Variants in CHD7 observed in about 807,000 individuals in gnomAD.
The protein encoded by CHD7 is chromodomain helicase DNA binding protein 7.
CHD7 carries 24 observed loss-of-function variants against 307.3 expected under a neutral mutation model. The ratio of observed to expected loss-of-function variants is 0.08; its 90% CI spans 0.06 to 0.11. The LOEUF (loss-of-function observed/expected upper bound fraction) is 0.11. CHD7 is among the 10% of genes least tolerant of loss of function. The pLI is 1.00. For synonymous variants in CHD7, 1,363 were observed against 1,349.9 expected (o/e 1.01, Z -0.21); for missense variants, 3,106 against 3,727.1 (o/e 0.83, Z 4.34).
In CHD7 at chr8:60,852,075, A is replaced by C. The variant is rs1329534393; in HGVS notation, c.5722A>C (p.Thr1908Pro). The C allele has an allele frequency of 2.5e-6, 4 of 1,613,938 alleles. No individual in the cohort carries two copies. The Admixed American group carries it at 6.7e-5, about 27-fold the overall frequency. ...LGQLYWPNTS[T>P]LTTRLRRLIT... ...CCAACTTTACTGGCCTAACACTTCA[A>C]CCCTGACTACACGTCTGCGCCGGCT... The change falls in exon 29 of 38, where the codon ACC becomes CCC. Residue 1908 changes from threonine to proline, a missense_variant. Thr to Pro is a conservative substitution (Grantham distance 38). Around this residue, in one of 10 missense-constraint regions of CHD7, gnomAD observed 1,030 missense variants for 1,165.4 expected, o/e 0.88. Transcript: ENST00000423902.
chr8:60,715,972 A>G (rs1391885945), intron 1 of CHD7, among the ~76,000 whole-genome samples: 1 of 152,178 alleles, frequency 6.6e-6, no homozygotes, highest in Non-Finnish European at 1.5e-5. Context: ...TTGGTGTAAA[A>G]TGAGACAGCA....
chr8:60,821,080 A>G (rs1804009129), intron 9 of CHD7, among the ~76,000 whole-genome samples: 1 of 152,178 alleles, frequency 6.6e-6, no homozygotes, highest in African/African-American at 2.4e-5. Context: ...TTTTAATGTG[A>G]TTGGACACAA....
chr8:60,817,168 G>A (rs1803788555), intron 8 of CHD7, among the ~76,000 whole-genome samples: 1 of 152,168 alleles, frequency 6.6e-6, no homozygotes, highest in Non-Finnish European at 1.5e-5. Context: ...CTGGACTTAG[G>A]ATCGCCAATT....
Position 60,833,681 on chromosome 8 carries a change from C to G in CHD7, c.3779-2392C>G, listed in dbSNP as rs115678024. ...TGTTTCAAGTTGTCTTTGATATACA[C>G]ACTTTCCAGTGTAGTGCCAGCCATA... On this transcript the variant is annotated intron_variant, in intron 15 of 37. Transcript: ENST00000423902. Among the ~76,000 whole-genome samples the G allele has an allele frequency of 7.6e-3, 1,153 of 152,316 alleles. 17 individuals carry two copies. Among genetic ancestry groups the G allele is most frequent in the African/African-American group, 0.026 (1,073 of 41,564 alleles).
chr8:60,744,619 G>A (rs868622768), intron 2 of CHD7, among the ~76,000 whole-genome samples: 3 of 151,420 alleles, frequency 2.0e-5, no homozygotes, highest in Middle Eastern at 3.4e-3. Context: ...CTGGGAGGCC[G>A]AGGCAGGCAG....
chr8:60,822,002 G>A, intron 10 of CHD7, 22 bp from the exon 11 acceptor site: 2 of 1,613,474 alleles, frequency 1.2e-6, no homozygotes, highest in Non-Finnish European at 1.7e-6. Context: ...ACCACTAATG[G>A]GATTTACTAT....
chr8:60,717,320 T>C (rs1242901738), intron 1 of CHD7, among the ~76,000 whole-genome samples: 1 of 152,216 alleles, frequency 6.6e-6, no homozygotes, highest in Non-Finnish European at 1.5e-5. Flanking sequence ...AACACTTTGG[T>C]TATTAGACTT....
At position 60,845,382 on chromosome 8, in the gene CHD7, A is replaced by G. The variant is rs767264559; in HGVS notation, c.5183A>G (p.Lys1728Arg). The G allele has an allele frequency of 6.2e-7, 1 of 1,614,032 alleles. No homozygotes were observed. The highest frequency in any genetic ancestry group is 8.5e-7 in the Non-Finnish European group (1 of 1,179,880). The change falls in exon 23 of 38, where the codon AAG (lysine) becomes AGG (arginine). Residue 1728 changes from lysine (K) to arginine (R), a missense_variant. Physicochemically the swap from Lys to Arg is conservative, Grantham distance 26. This residue lies in a region of CHD7 where 1,030 missense variants were observed against 1,165.4 expected (regional missense o/e 0.88). Coordinates refer to ENST00000423902, the MANE Select transcript of CHD7 (RefSeq NM_017780.4). ...GCCCTGTTCCAGGAGGACAGCTACA[A>G]GAAACACCTGAAGCATCACTGTAAC... is the stretch of plus-strand genomic sequence containing the variant. ...PDALFQEDSYKKHLKHHCNKV... is the reference protein window; with the variant it reads ...PDALFQEDSYRKHLKHHCNKV...
At chr8:60,728,585 G>A (rs935596490) in intron 1 of CHD7, among the ~76,000 whole-genome samples, 2 of 152,172 alleles carry the variant, frequency 1.3e-5, no homozygotes, top group Admixed American at 1.3e-4. Flanking sequence ...GAGAGCAATG[G>A]CGCGATCTCG....
intron 2 of CHD7, among the ~76,000 whole-genome samples, chr8:60,760,994 A>G (rs1373127441): frequency 6.6e-6 from 1 of 152,188 alleles, no homozygotes; most frequent in Admixed American, 6.5e-5. Context: ...ATTACTGGAT[A>G]TATACCCAAA....
chr8:60,830,641 C>G (rs999360264), intron 15 of CHD7, 64 bp downstream of exon 15: 8 of 1,556,446 alleles, frequency 5.1e-6, no homozygotes, highest in Non-Finnish European at 7.0e-6. Context: ...TCCCTTTCTG[C>G]CCCCAGACTG....
In CHD7 at chr8:60,867,826, G is replaced by A. The variant is rs1220038394; in HGVS notation, c.*1893G>A. On this transcript the variant is annotated 3_prime_UTR_variant, in exon 38 of 38. Transcript: ENST00000423902. Reference sequence around the variant, plus strand: ...GTGATTGCTTTTATTTATCATCGTCGTTGTCTGCTGAAAGTGAATGGGCCG... The same window carrying A: ...GTGATTGCTTTTATTTATCATCGTCATTGTCTGCTGAAAGTGAATGGGCCG... The A allele has an allele frequency of 1.3e-5, 2 of 150,786 alleles. No individual in the cohort carries two copies. The highest frequency in any genetic ancestry group is 2.9e-5 in the Non-Finnish European group (2 of 68,028). 9.3% of individuals were successfully genotyped at this position (150,786 alleles called of 1,614,324 possible).
At chr8:60,772,974 T>C (rs190520795) in intron 2 of CHD7, among the ~76,000 whole-genome samples, 21 of 152,324 alleles carry the variant, frequency 1.4e-4, no homozygotes, top group African/African-American at 4.3e-4. Flanking sequence ...GATGTTCACA[T>C]TGGAGACCCT....
chr8:60,853,285 G>C lies in CHD7; in HGVS notation c.6560G>C (p.Cys2187Ser), dbSNP rs1273458526. The C allele has an allele frequency of 2.5e-6, 4 of 1,611,436 alleles. No individual in the cohort carries two copies. Among genetic ancestry groups the C allele is most frequent in the Non-Finnish European group, 3.4e-6 (4 of 1,178,268 alleles). The change falls in exon 31 of 38, where the codon TGT (cysteine) becomes TCT (serine). Residue 2187 changes from cysteine to serine, a missense_variant. By Grantham distance (112) the Cys-to-Ser change is moderately radical (BLOSUM62 -1). Around this residue, in one of 10 missense-constraint regions of CHD7, gnomAD observed 1,030 missense variants for 1,165.4 expected, o/e 0.88. Transcript: ENST00000423902. ...GAAAACCCAGCTGCCAAGGAGAAAT[G>C]TGAGGGCAAAGAAGAGGAAGAAGAA... ...EPENPAAKEK[C>S]EGKEEEEETD...
intron 1 of CHD7, among the ~76,000 whole-genome samples, chr8:60,728,874 CTTATG>C (rs1214707402): frequency 2.0e-5 from 3 of 152,086 alleles, no homozygotes; most frequent in Non-Finnish European, 1.5e-5. Context: ...CATAGGTAAA[CTTATG>C]TTATAGGGGT....
rs546481718 is a variant in CHD7, at chr8:60,856,643, A to G, written c.7363A>G (p.Thr2455Ala). Residue 2455 changes from threonine to alanine, a missense_variant, in exon 34 of 38, where the codon ACC (threonine) becomes GCC (alanine). This residue lies in a region of CHD7 where 1,030 missense variants were observed against 1,165.4 expected (regional missense o/e 0.88). Coordinates refer to ENST00000423902, the MANE Select transcript of CHD7 (RefSeq NM_017780.4). The part of the protein sequence containing the change: ...SKASREATSS[T>A]SNFSSLSSKF... ...GGCCTCAAGAGAGGCAACAAGCTCT[A>G]CCTCAAATTTTTCATCTCTTTCTTC... 3.1e-6 allele frequency: 5 copies of G among 1,614,054 alleles called. No homozygotes were observed. The highest frequency in any genetic ancestry group is 2.2e-5 in the East Asian group (1 of 44,884).
chr8:60,862,037 C>G (rs1023332040), intron 35 of CHD7, 159 bp from the exon 36 acceptor site: 1 of 599,306 alleles, frequency 1.7e-6, no homozygotes, highest in Non-Finnish European at 2.6e-6. Flanking sequence ...GGAGTTTTTT[C>G]TTTCAAAGAG....
intron 2 of CHD7, among the ~76,000 whole-genome samples, chr8:60,772,568 C>G (rs1384640709): frequency 6.6e-6 from 1 of 152,140 alleles, no homozygotes; most frequent in African/African-American, 2.4e-5. Flanking sequence ...GTGTGGGTGT[C>G]CACTGCCAAA....
At chr8:60,748,751 A>T (rs1809456614) in intron 2 of CHD7, among the ~76,000 whole-genome samples, 1 of 152,204 alleles carries the variant, frequency 6.6e-6, no homozygotes, top group Non-Finnish European at 1.5e-5. Flanking sequence ...GGAAAGTTCT[A>T]GTTGAATTTT....
Sources: allele counts gnomAD v4.1 joint callset (sites outside exome capture counted in the v4.1 genomes callset), GRCh38; gene constraint gnomAD v4.1.1; regional missense constraint gnomAD v4.1.1; transcripts MANE v1.5; gene names NCBI Gene and HGNC (gene_info 2026-07-23, HGNC 2026-07-21).